The following CR2 variants were observed in gnomAD, a reference collection of about 807,000 sequenced individuals.
CR2 encodes complement receptor type 2.
Under a neutral mutation model 123.0 loss-of-function variants are expected in CR2, and 96 were observed. That is an observed-to-expected ratio of 0.78 (90% CI 0.66 to 0.93). CR2 has a LOEUF of 0.93. Ranked by LOEUF, CR2 falls within the 40% of genes least tolerant of loss-of-function variation. The pLI, the probability that CR2 is intolerant of heterozygous loss-of-function variation, is 0.00. For missense variants in CR2, 1,258 were observed against 1,361.0 expected (o/e 0.92, Z 1.19); for synonymous variants, 484 against 469.5 (o/e 1.03, Z -0.40).
intron 19 of CR2, among the ~76,000 whole-genome samples, chr1:207,487,373 A>G (rs774002256): frequency 3.9e-5 from 6 of 152,084 alleles, no homozygotes; most frequent in Admixed American, 2.0e-4. Context: ...TGCAGCCTCT[A>G]CTTCCTAGGT....
chr1:207,470,134 C>T, intron 6 of CR2, 32 bp downstream of exon 6: 2 of 1,611,960 alleles, frequency 1.2e-6, no homozygotes, highest in Non-Finnish European at 1.7e-6. Flanking sequence ...AAAGGTGCTT[C>T]TGATTCGTTT....
Position 207,485,485 on chromosome 1 carries a change from C to T in CR2, c.3210C>T (p.Ser1070=), listed in dbSNP as rs200936417. ...HRARNYYTDT[S]QKEAFHLEAR... is the part of the protein sequence containing the mutation. ...TTAGCAATTATTATACAGATACAAG[C>T]CAGAAAGAAGCTTTTCATTTAGAAG... Residue 1070 remains serine, a synonymous_variant, in exon 19 of 20, where the codon AGC becomes AGT. Coordinates refer to ENST00000367057, the MANE Select transcript of CR2 (RefSeq NM_001006658.3). The T allele has an allele frequency of 1.2e-6, 2 of 1,610,134 alleles. No individual in the cohort carries two copies. The highest frequency in any genetic ancestry group is 2.2e-5 in the East Asian group (1 of 44,812).
intron 14 of CR2, among the ~76,000 whole-genome samples, chr1:207,475,808 A>G (rs1356846716): frequency 6.6e-6 from 1 of 152,194 alleles, no homozygotes; most frequent in East Asian, 1.9e-4. Context: ...TTTGCTTCCC[A>G]GCAAGGCACC....
At chr1:207,460,587 C>A (rs1004075822) in intron 1 of CR2, among the ~76,000 whole-genome samples, 2 of 152,134 alleles carry the variant, frequency 1.3e-5, no homozygotes, top group African/African-American at 2.4e-5. Flanking sequence ...GCCTGGACTA[C>A]CATCTGATCT....
chr1:207,475,496 A>G (rs1156744267), intron 14 of CR2, among the ~76,000 whole-genome samples: 1 of 152,214 alleles, frequency 6.6e-6, no homozygotes, highest in African/African-American at 2.4e-5. Flanking sequence ...CTTTAGTGTA[A>G]GAAAAATGCA....
At chr1:207,487,917 T>G (rs1658792568) in intron 19 of CR2, among the ~76,000 whole-genome samples, 1 of 152,224 alleles carries the variant, frequency 6.6e-6, no homozygotes, top group Non-Finnish European at 1.5e-5. Flanking sequence ...TTCAGTCTTC[T>G]CAGTGAATAG....
chr1:207,476,534 C>T (rs553869894), intron 15 of CR2, 115 bp downstream of exon 15: 8 of 904,240 alleles, frequency 8.8e-6, no homozygotes, highest in Non-Finnish European at 1.4e-5. Flanking sequence ...TGTCTGATTA[C>T]ATTAAAGGCT....
intron 9 of CR2, among the ~76,000 whole-genome samples, chr1:207,472,547 G>T (rs374488287): frequency 2.6e-5 from 4 of 152,084 alleles, no homozygotes; most frequent in African/African-American, 9.7e-5. Context: ...CTCCTAATGT[G>T]ATGTTGATCA....
chr1:207,465,378 C>A (rs1658067646), intron 1 of CR2, among the ~76,000 whole-genome samples: 1 of 150,730 alleles, frequency 6.6e-6, no homozygotes, highest in South Asian at 2.1e-4. Context: ...GCAGATAGCA[C>A]CAAAGTCAAT....
At chr1:207,468,772 C>A (rs985348012) in intron 3 of CR2, 28 bp from the exon 4 acceptor site, 1 of 1,613,560 alleles carries the variant, frequency 6.2e-7, no homozygotes, top group Non-Finnish European at 8.5e-7. Context: ...ATTTGCCATG[C>A]ATTTCTCATC....
chr1:207,489,256 T>A lies in CR2; in HGVS notation c.*133T>A, dbSNP rs1052288706. On this transcript the variant is annotated 3_prime_UTR_variant, in exon 20 of 20. Coordinates refer to ENST00000367057, the MANE Select transcript of CR2 (RefSeq NM_001006658.3). Reference sequence around the variant, plus strand: ...ATGAAATGATGTCATAAGCGATCACTTCCTATATGCACTTATTCTCAAGAA... The same window carrying A: ...ATGAAATGATGTCATAAGCGATCACATCCTATATGCACTTATTCTCAAGAA... 1 of 152,202 alleles carries A rather than the reference T, an allele frequency of 6.6e-6. No individual in the cohort carries two copies. Among genetic ancestry groups the A allele is most frequent in the Non-Finnish European group, 1.5e-5 (1 of 68,036 alleles). 9.4% of individuals were successfully genotyped at this position (152,202 alleles called of 1,614,324 possible). A position where few individuals can be genotyped will look rare whatever the true frequency, so the allele number is the denominator to read the frequency against.
At position 207,469,691 on chromosome 1, in the gene CR2, C is replaced by T. The variant is rs370106455; in HGVS notation, c.818-4C>T. On this transcript the variant is annotated splice_region_variant and splice_polypyrimidine_tract_variant and intron_variant, in intron 5 of 19. Coordinates refer to ENST00000367057, the MANE Select transcript of CR2 (RefSeq NM_001006658.3). ...CTTGTCATTTCTTTCTGCAATTCCC[C>T]TAGAAATTTTTTGCCCATCACCTCC... 1.1e-4 allele frequency: 178 copies of T among 1,613,268 alleles called. 1 individual carries two copies. Among genetic ancestry groups the T allele is most frequent in the Admixed American group, 7.5e-4 (45 of 59,966 alleles).
Position 207,474,851 on chromosome 1 carries a change from T to G in CR2, c.2351T>G (p.Ile784Ser). 1 of 1,614,040 alleles carries G rather than the reference T, an allele frequency of 6.2e-7. No homozygotes were observed. The highest frequency in any genetic ancestry group is 8.5e-7 in the Non-Finnish European group (1 of 1,179,930). ...KVIHCHPPPV[I>S]VNGKHTGMMA... ...ATTCACTGTCACCCTCCACCAGTGATTGTCAATGGGAAGCACACAGGCATG... is the reference window on the plus strand; with the variant it reads ...ATTCACTGTCACCCTCCACCAGTGAGTGTCAATGGGAAGCACACAGGCATG... Residue 784 changes from isoleucine (I) to serine (S), a missense_variant, in exon 14 of 20, where the codon ATT becomes AGT. Coordinates refer to ENST00000367057, the MANE Select transcript of CR2 (RefSeq NM_001006658.3).
At chr1:207,475,996 T>C (rs1172189902) in intron 14 of CR2, among the ~76,000 whole-genome samples, 1 of 152,214 alleles carries the variant, frequency 6.6e-6, no homozygotes, top group East Asian at 1.9e-4. Flanking sequence ...GTGAACTGTA[T>C]CCATTAATGT....
chr1:207,484,003 A>T (rs1315974178), intron 18 of CR2, among the ~76,000 whole-genome samples: 5 of 152,142 alleles, frequency 3.3e-5, no homozygotes, highest in African/African-American at 1.2e-4. Flanking sequence ...TCAAGGAGAA[A>T]AGGGTCTCAA....
Position 207,472,965 on chromosome 1 carries a change from C to G in CR2, c.1764C>G (p.Gly588=). ...SNDQERGTWS[G]PAPLCKLSLL... Reference sequence around the variant, plus strand: ...ATCAAGAAAGAGGCACCTGGAGTGGCCCTGCTCCCCTGTGTAAACTTTCCC... The same window carrying G: ...ATCAAGAAAGAGGCACCTGGAGTGGGCCTGCTCCCCTGTGTAAACTTTCCC... The change falls in exon 10 of 20, where the codon GGC becomes GGG. Residue 588 remains glycine, a synonymous_variant. Coordinates refer to ENST00000367057, the MANE Select transcript of CR2 (RefSeq NM_001006658.3). 1 of 1,613,988 alleles carries G rather than the reference C, an allele frequency of 6.2e-7. No individual in the cohort carries two copies.
At position 207,480,055 on chromosome 1, in the gene CR2, T is replaced by C. The variant is rs753105728; in HGVS notation, c.3188+2T>C. The C allele has an allele frequency of 3.7e-6, 6 of 1,606,930 alleles. No homozygotes were observed. In the East Asian group the frequency reaches 1.3e-4, roughly 36 times the overall value. ...CGTGATATCAAAACACAGAGCACGG[T>C]AAGTTCAAAGGCGAATACTTGATTG... On this transcript the variant is annotated splice_donor_variant, in intron 18 of 19. Coordinates refer to ENST00000367057, the MANE Select transcript of CR2 (RefSeq NM_001006658.3). LOFTEE classifies it high-confidence loss of function.
rs201017642 is a variant in CR2 at position 207,466,891 on chromosome 1, C to T, written c.424C>T (p.Arg142Ter). The T allele has an allele frequency of 7.6e-5, 121 of 1,601,620 alleles. No homozygotes were observed. Among genetic ancestry groups the T allele is most frequent in the Non-Finnish European group, 9.6e-5 (113 of 1,174,516 alleles). The stretch of plus-strand genomic sequence containing the variant: ...AGCAAATAATATGTGGGGGCCGACA[C>T]GACTACCAACCTGTGTAAGTGGTGA... The part of the protein sequence containing the change: ...CQANNMWGPT[R>*]LPTCVSVFPL... The change falls in exon 2 of 20, where the codon CGA (arginine) becomes TGA (stop). Residue 142 changes from arginine to a stop codon, truncating the protein, a stop_gained. Transcript: ENST00000367057. LOFTEE classifies it high-confidence loss of function.
At position 207,454,496 on chromosome 1, in the gene CR2, A is replaced by C; in HGVS notation, c.58+20A>C. The C allele has an allele frequency of 6.6e-7, 1 of 1,526,428 alleles. No homozygotes were observed. Among genetic ancestry groups the C allele is most frequent in the African/African-American group, 1.4e-5 (1 of 72,050 alleles). 94.6% of individuals were successfully genotyped at this position (1,526,428 alleles called of 1,614,324 possible). A position where few individuals can be genotyped will look rare whatever the true frequency, so the allele number is the denominator to read the frequency against. On this transcript the variant is annotated intron_variant, in intron 1 of 19. Transcript: ENST00000367057. This position sits in a 1 kb window ranked among gnomAD's most constrained non-coding sequence, Gnocchi z 4.3. ...TCCTCGGTGAGCTGGGAGGGGGAGC[A>C]CGGAGGTGGGGACGCGTCCCGGGCA...
Sources: allele counts gnomAD v4.1 joint callset (sites outside exome capture counted in the v4.1 genomes callset), GRCh38; gene constraint gnomAD v4.1.1; non-coding constraint Gnocchi (gnomAD v3.1); transcripts MANE v1.5; gene names NCBI Gene and HGNC (gene_info 2026-07-23, HGNC 2026-07-21).